Variants in ANKS1B observed in about 807,000 individuals in gnomAD.
The protein encoded by ANKS1B is ankyrin repeat and sterile alpha motif domain containing 1B.
In ANKS1B, 36 loss-of-function variants were observed where a neutral mutation model predicts 148.3. That is an observed-to-expected ratio of 0.24 (90% CI 0.19 to 0.32). The LOEUF is 0.32. Ranked by LOEUF, ANKS1B falls within the 10% of genes least tolerant of loss-of-function variation. The pLI is 1.00. For missense variants in ANKS1B, 1,157 were observed against 1,542.6 expected (o/e 0.75, Z 4.19); for synonymous variants, 542 against 560.8 (o/e 0.97, Z 0.47).
intron 14 of ANKS1B, among the ~76,000 whole-genome samples, chr12:99,224,052 T>A (rs1410601850): frequency 6.6e-6 from 1 of 152,150 alleles, no homozygotes; most frequent in African/African-American, 2.4e-5. Context: ...CTAGAAAACA[T>A]GTTTTACTGG....
chr12:99,901,756 T>C (rs922659878), intron 1 of ANKS1B, among the ~76,000 whole-genome samples: 4 of 152,178 alleles, frequency 2.6e-5, no homozygotes, highest in African/African-American at 9.7e-5. Flanking sequence ...ACATTTATTG[T>C]TTTGTCTGCC....
intron 8 of ANKS1B, among the ~76,000 whole-genome samples, chr12:99,730,537 A>T (rs2059035298): frequency 6.6e-6 from 1 of 152,158 alleles, no homozygotes; most frequent in Admixed American, 6.5e-5. Context: ...GCAGTGCCAA[A>T]CCCAAGGTAA....
At position 99,814,533 on chromosome 12, in the gene ANKS1B, T is replaced by A. The variant is rs576157657; in HGVS notation, c.216-2222A>T. On this transcript the variant is annotated intron_variant, in intron 2 of 26. Transcript: ENST00000683438. ...CCCCATTTCCCTGCCAAGCAAGGGT[T>A]GTTATATAGGGTCTTCCATTCTGAC... is the stretch of plus-strand genomic sequence containing the variant. Among the ~76,000 whole-genome samples the A allele has an allele frequency of 3.3e-5, 5 of 151,876 alleles. No homozygotes were observed. The South Asian group carries it at 1.0e-3, about 31-fold the overall frequency.
chr12:99,518,811 C>T (rs1356801671), intron 9 of ANKS1B, among the ~76,000 whole-genome samples: 2 of 151,894 alleles, frequency 1.3e-5, no homozygotes, highest in Non-Finnish European at 2.9e-5. Flanking sequence ...TTAAGATGCA[C>T]CAATTGGTTG....
intron 16 of ANKS1B, among the ~76,000 whole-genome samples, chr12:99,068,607 C>G (rs1037210714): frequency 4.7e-5 from 7 of 150,444 alleles, no homozygotes; most frequent in Admixed American, 2.0e-4. Flanking sequence ...TTTATAGTTT[C>G]TCTTGGGGTT....
At chr12:99,428,276 C>G (rs908960062) in intron 11 of ANKS1B, among the ~76,000 whole-genome samples, 1 of 151,956 alleles carries the variant, frequency 6.6e-6, no homozygotes, top group East Asian at 1.9e-4. Flanking sequence ...CATGAGGAAT[C>G]AGAGCATACA....
intron 19 of ANKS1B, among the ~76,000 whole-genome samples, chr12:98,813,989 T>G (rs1046322011): frequency 1.3e-5 from 2 of 152,158 alleles, no homozygotes; most frequent in Admixed American, 6.5e-5. Flanking sequence ...CAAGTGATTC[T>G]CCTGCCTCAA....
At chr12:99,653,678 C>CTTTTTTTTT (rs199988255) in intron 9 of ANKS1B, among the ~76,000 whole-genome samples, 10 of 113,576 alleles carry the variant, frequency 8.8e-5, no homozygotes, top group South Asian at 2.9e-4. Flanking sequence ...TTCTTTCTTT[C>CTTTTTTTTT]TTTTTTTTTT....
At chr12:99,856,437 G>T (rs1409919726) in intron 1 of ANKS1B, among the ~76,000 whole-genome samples, 1 of 150,836 alleles carries the variant, frequency 6.6e-6, no homozygotes, top group East Asian at 1.9e-4. Context: ...CAAAAAAAAA[G>T]TCCAGGACCA....
chr12:99,444,498 T>A (rs1301726564), intron 10 of ANKS1B, among the ~76,000 whole-genome samples: 2 of 151,930 alleles, frequency 1.3e-5, no homozygotes, highest in East Asian at 3.9e-4. Flanking sequence ...AAAGATGACT[T>A]GAAAATCAAC....
chr12:99,777,774 C>T (rs1221809183), intron 6 of ANKS1B, among the ~76,000 whole-genome samples: 16 of 151,268 alleles, frequency 1.1e-4, no homozygotes, highest in Non-Finnish European at 7.4e-5. Flanking sequence ...TTAGTAGAGA[C>T]GGGGTTTCAC....
chr12:99,277,717 A>G lies in ANKS1B; in HGVS notation c.1757-30853T>C, dbSNP rs148871364. ...TGGTTCAAGATAGTATGTGCTTTTG[A>G]ACTGGTATGAGTCACTAACTGGTGC... On this transcript the variant is annotated intron_variant, in intron 12 of 26. Transcript: ENST00000683438. Among the ~76,000 whole-genome samples the G allele has an allele frequency of 7.5e-3, 1,143 of 152,292 alleles. 8 individuals carry two copies. The highest frequency in any genetic ancestry group is 0.031 in the Middle Eastern group (9 of 294).
intron 8 of ANKS1B, among the ~76,000 whole-genome samples, chr12:99,673,700 C>T (rs1160414662): frequency 1.3e-5 from 2 of 151,282 alleles, no homozygotes; most frequent in South Asian, 2.1e-4. Context: ...TTACAACTTG[C>T]CAAGAGACAA....
intron 17 of ANKS1B, among the ~76,000 whole-genome samples, chr12:99,009,828 T>C (rs1226164841): frequency 7.1e-6 from 1 of 141,358 alleles, no homozygotes; most frequent in Non-Finnish European, 1.5e-5. Context: ...TGTTAAGAGT[T>C]GAGTCATCTA....
At chr12:99,412,924 T>A (rs17029382) in intron 11 of ANKS1B, among the ~76,000 whole-genome samples, 2,803 of 152,310 alleles carry the variant, frequency 0.018, 31 homozygotes, top group South Asian at 0.032. Context: ...GGAAAACAAT[T>A]TTAAGTGAAG....
intron 14 of ANKS1B, among the ~76,000 whole-genome samples, chr12:99,210,795 C>T (rs1299170526): frequency 6.6e-6 from 1 of 152,202 alleles, no homozygotes; most frequent in Non-Finnish European, 1.5e-5. Context: ...GGCTAAGGTG[C>T]ATACTCCAAA....
rs576435085 is a variant in ANKS1B, at chr12:99,722,393, C to T, written c.1128+50529G>A. On this transcript the variant is annotated intron_variant, in intron 8 of 26. Transcript: ENST00000683438. The stretch of plus-strand genomic sequence containing the variant: ...TTAAGTTGAAGCCAATGCTCATTTG[C>T]CATTCTGAAAACACTAAAGCTTTTA... Among the ~76,000 whole-genome samples, 97 of 152,256 alleles carry T rather than the reference C, an allele frequency of 6.4e-4. 1 individual carries two copies. Among genetic ancestry groups the T allele is most frequent in the African/African-American group, 2.3e-3 (94 of 41,546 alleles).
chr12:99,231,997 A>G (rs1208066264), intron 14 of ANKS1B, among the ~76,000 whole-genome samples: 1 of 152,082 alleles, frequency 6.6e-6, no homozygotes, highest in Admixed American at 6.6e-5. Context: ...GAAACTCTCT[A>G]TGGGTGGGTC....
chr12:99,324,632 A>T (rs572479991), intron 12 of ANKS1B, among the ~76,000 whole-genome samples: 1 of 152,306 alleles, frequency 6.6e-6, no homozygotes, highest in African/African-American at 2.4e-5. Flanking sequence ...TTAGCCAGTT[A>T]TGAACAATGC....
Sources: allele counts gnomAD v4.1 joint callset (sites outside exome capture counted in the v4.1 genomes callset), GRCh38; gene constraint gnomAD v4.1.1; transcripts MANE v1.5; gene names NCBI Gene and HGNC (gene_info 2026-07-23, HGNC 2026-07-21).